Variants in TBC1D16 observed in about 807,000 individuals in gnomAD.
TBC1D16 encodes TBC1 domain family member 16.
A neutral mutation model predicts 74.7 loss-of-function variants in TBC1D16; 58 were observed. The observed-to-expected ratio is 0.78, with a 90% CI of 0.63 to 0.97. TBC1D16 has a LOEUF of 0.97. Ranked by LOEUF, TBC1D16 falls within the 50% of genes least tolerant of loss-of-function variation. The pLI is 0.00. For synonymous variants in TBC1D16, 493 were observed against 474.7 expected, an observed-to-expected ratio of 1.04 and a Z score of -0.50; for missense variants, 1,014 against 1,079.5, an observed-to-expected ratio of 0.94 and a Z score of 0.85.
intron 3 of TBC1D16, among the ~76,000 whole-genome samples, chr17:79,984,550 A>AAAAGAAAG (rs142903262): frequency 6.4e-5 from 5 of 77,664 alleles, no homozygotes; most frequent in East Asian, 8.9e-4. Flanking sequence ...TTTATAATTA[A>AAAAGAAAG]AAAGAAAGAA....
intron 1 of TBC1D16, among the ~76,000 whole-genome samples, chr17:80,014,095 G>A (rs527278727): frequency 2.6e-5 from 4 of 152,290 alleles, no homozygotes; most frequent in East Asian, 1.9e-4. Flanking sequence ...ACTGGCTCAC[G>A]CCTGTAATCC....
rs942879554 is a variant in TBC1D16, at chr17:79,993,789, C to T, written c.779+16371G>A. Among the ~76,000 whole-genome samples, 1 of 152,146 alleles carries T rather than the reference C, an allele frequency of 6.6e-6. No individual in the cohort carries two copies. The highest frequency in any genetic ancestry group is 1.5e-5 in the Non-Finnish European group (1 of 68,024). On this transcript the variant is annotated intron_variant, in intron 3 of 11. Transcript: ENST00000310924. The surrounding 1 kb of genome is among the most constrained non-coding windows in gnomAD (Gnocchi z 5.1). Reference sequence around the variant, plus strand: ...GTGGCCTGTGAGGCCCCTGCCAGGGCTGTTGATGCAAGAGCTGGGGCTCGG... The same window carrying T: ...GTGGCCTGTGAGGCCCCTGCCAGGGTTGTTGATGCAAGAGCTGGGGCTCGG...
chr17:79,974,621 A>G (rs1351123644), intron 3 of TBC1D16, among the ~76,000 whole-genome samples: 1 of 152,186 alleles, frequency 6.6e-6, no homozygotes, highest in Non-Finnish European at 1.5e-5. Flanking sequence ...GACTATATGT[A>G]TTTTATTGCA....
At chr17:80,032,426 TCTTACAGTGGCCCGATTTCTCTCATC>T (rs539094077) in intron 1 of TBC1D16, among the ~76,000 whole-genome samples, 27 of 152,194 alleles carry the variant, frequency 1.8e-4, no homozygotes, top group Admixed American at 3.3e-4. Flanking sequence ...TCGAACTTAG[TCTTACAGTGGCCCGATTTCTCTCATC>T]CTTTGAGGAT....
rs1384180400 is a variant in TBC1D16 at position 79,940,987 on chromosome 17, T to C, written c.2176A>G (p.Thr726Ala). The change falls in exon 12 of 12, where the codon ACC becomes GCC. Residue 726 changes from threonine to alanine, a missense_variant. By Grantham distance (58) the Thr-to-Ala change is moderately conservative. Transcript: ENST00000310924. The surrounding 1 kb of genome is among the most constrained non-coding windows in gnomAD (Gnocchi z 5.4). ...DSGSMPAVEC[T>A]GHHPGSESCP... ...CTCTCCGAGCCGGGATGGTGGCCGGTGCACTCCACCGCGGGCATGGAGCCG... is the reference window on the plus strand; with the variant it reads ...CTCTCCGAGCCGGGATGGTGGCCGGCGCACTCCACCGCGGGCATGGAGCCG... 5 of 1,608,084 alleles carry C rather than the reference T, an allele frequency of 3.1e-6. No homozygotes were observed. The highest frequency in any genetic ancestry group is 3.4e-5 in the Admixed American group (2 of 59,630).
intron 1 of TBC1D16, among the ~76,000 whole-genome samples, chr17:80,016,106 G>A (rs1286933845): frequency 3.3e-5 from 5 of 151,910 alleles, no homozygotes; most frequent in South Asian, 4.1e-4. Flanking sequence ...AAAGTCTGAC[G>A]CCTGCTACAG....
intron 1 of TBC1D16, among the ~76,000 whole-genome samples, chr17:80,021,348 C>T (rs995568937): frequency 6.7e-6 from 1 of 149,624 alleles, no homozygotes; most frequent in Non-Finnish European, 1.5e-5. Flanking sequence ...CCTGTAATCC[C>T]AGCTACTCGG....
At position 80,015,925 on chromosome 17, in the gene TBC1D16, C is replaced by T. The variant is rs534458278; in HGVS notation, c.-62-2316G>A. The stretch of plus-strand genomic sequence containing the variant: ...ACATGGGAGGCTGAAGCAGGAGAAT[C>T]GCTTAAATCCAGGAGGTGGAGGTTT... On this transcript the variant is annotated intron_variant, in intron 1 of 11. Coordinates refer to ENST00000310924, the MANE Select transcript of TBC1D16 (RefSeq NM_019020.4). Among the ~76,000 whole-genome samples the T allele has an allele frequency of 3.6e-4, 54 of 149,668 alleles. No individual in the cohort carries two copies. The South Asian group carries it at 9.7e-3, about 27-fold the overall frequency.
At chr17:79,972,352 T>G (rs1288396291) in intron 3 of TBC1D16, among the ~76,000 whole-genome samples, 1 of 152,120 alleles carries the variant, frequency 6.6e-6, no homozygotes, top group Non-Finnish European at 1.5e-5. Flanking sequence ...AATTTTTGTA[T>G]TTTTAGTAGA....
At chr17:79,952,840 T>C in intron 3 of TBC1D16, 22 bp from the exon 4 acceptor site, 5 of 1,588,298 alleles carry the variant, frequency 3.1e-6, no homozygotes, top group Non-Finnish European at 2.6e-6. Context: ...GGTTATGTGA[T>C]GATCGCCACA....
At position 79,981,866 on chromosome 17, in the gene TBC1D16, G is replaced by A. The variant is rs150097000; in HGVS notation, c.779+28294C>T. ...CTCAATCCCACTCCTCCAAGGGCGC[G>A]CCAGGGAACAGCAGGACGCGGCCCT... On this transcript the variant is annotated intron_variant, in intron 3 of 11. Coordinates refer to ENST00000310924, the MANE Select transcript of TBC1D16 (RefSeq NM_019020.4). This position sits in a 1 kb window ranked among gnomAD's most constrained non-coding sequence, Gnocchi z 6.9. Among the ~76,000 whole-genome samples, 707 of 152,354 alleles carry A rather than the reference G, an allele frequency of 4.6e-3. 3 individuals carry two copies. The highest frequency in any genetic ancestry group is 0.016 in the African/African-American group (668 of 41,598).
At position 80,007,255 on chromosome 17, in the gene TBC1D16, C is replaced by A. The variant is rs573750391; in HGVS notation, c.779+2905G>T. On this transcript the variant is annotated intron_variant, in intron 3 of 11. Coordinates refer to ENST00000310924, the MANE Select transcript of TBC1D16 (RefSeq NM_019020.4). The surrounding 1 kb of genome is among the most constrained non-coding windows in gnomAD (Gnocchi z 4.5). ...GGGCCGGGCTGTGGTAAGCACCCCC[C>A]AGCACGGTCTCCGGGTGGGGACGAG... 2.0e-5 allele frequency among the ~76,000 whole-genome samples: 3 copies of A among 152,336 alleles called. No homozygotes were observed. The highest frequency in any genetic ancestry group is 3.9e-4 in the East Asian group (2 of 5,168).
intron 1 of TBC1D16, among the ~76,000 whole-genome samples, chr17:80,025,015 CACA>C: frequency 1.6e-4 from 3 of 18,264 alleles, no homozygotes; most frequent in Middle Eastern, 0.031. Context: ...TAGACACACA[CACA>C]CACCACAGAT....
chr17:80,002,667 G>A (rs535272844), intron 3 of TBC1D16, among the ~76,000 whole-genome samples: 31 of 152,326 alleles, frequency 2.0e-4, no homozygotes, highest in South Asian at 1.0e-3. Flanking sequence ...GGAACATTCC[G>A]TCCAGACCTG....
intron 1 of TBC1D16, among the ~76,000 whole-genome samples, chr17:80,032,406 C>T (rs770905471): frequency 4.6e-5 from 7 of 151,020 alleles, no homozygotes; most frequent in East Asian, 1.9e-4. Flanking sequence ...GAAGCCACCA[C>T]GGGCAGAAAT....
Position 79,950,588 on chromosome 17 carries a change from AGGAAAACTG to A in TBC1D16, c.1090-19_1090-11del. On this transcript the variant is annotated splice_polypyrimidine_tract_variant and intron_variant, in intron 5 of 11. Transcript: ENST00000310924. This position sits in a 1 kb window ranked among gnomAD's most constrained non-coding sequence, Gnocchi z 4.6. ...TATCGGGGGCGACCTGCTGGACGGG[AGGAAAACTG>A]GGCAAAGGTCAGGATCTCAGCCGCG... is the stretch of plus-strand genomic sequence containing the variant. The A allele has an allele frequency of 6.2e-7, 1 of 1,610,200 alleles. No individual in the cohort carries two copies. Among genetic ancestry groups the A allele is most frequent in the Non-Finnish European group, 8.5e-7 (1 of 1,178,610 alleles).
rs1598434721 is a variant in TBC1D16 at position 80,018,890 on chromosome 17, C to T, written c.-62-5281G>A. Among the ~76,000 whole-genome samples the T allele has an allele frequency of 3.3e-5, 5 of 150,216 alleles. 1 individual carries two copies. Among genetic ancestry groups the T allele is most frequent in the African/African-American group, 1.0e-4 (4 of 39,532 alleles). The stretch of plus-strand genomic sequence containing the variant: ...TGTTAGGATTACAGGCGGGAGCCAC[C>T]GCACCTGGCCTATTTTATGTCCTTA... On this transcript the variant is annotated intron_variant, in intron 1 of 11. Coordinates refer to ENST00000310924, the MANE Select transcript of TBC1D16 (RefSeq NM_019020.4).
intron 7 of TBC1D16, 121 bp from the exon 8 acceptor site, chr17:79,949,127 G>A (rs1376993689): frequency 9.4e-6 from 12 of 1,282,730 alleles, no homozygotes; most frequent in Middle Eastern, 2.7e-4. Flanking sequence ...GGAGCTGGGC[G>A]GCTGCTGCCG....
chr17:80,022,954 A>C lies in TBC1D16; in HGVS notation c.-62-9345T>G, dbSNP rs544830960. On this transcript the variant is annotated intron_variant, in intron 1 of 11. Transcript: ENST00000310924. ...CTGGCCGGGGACATTTATTATATAA[A>C]ACTTTATGGACAATTTTAAGAGGTG... Among the ~76,000 whole-genome samples the C allele has an allele frequency of 3.3e-4, 49 of 150,140 alleles. 3 individuals carry two copies. In the South Asian group the frequency reaches 9.0e-3, roughly 28 times the overall value.
Sources: allele counts gnomAD v4.1 joint callset (sites outside exome capture counted in the v4.1 genomes callset), GRCh38; gene constraint gnomAD v4.1.1; non-coding constraint Gnocchi (gnomAD v3.1); transcripts MANE v1.5; gene names NCBI Gene and HGNC (gene_info 2026-07-23, HGNC 2026-07-21).